SNX13: variants seen among roughly 807,000 people sequenced by gnomAD.
The protein encoded by SNX13 is sorting nexin-13.
Under a neutral mutation model 133.6 loss-of-function variants are expected in SNX13, and 45 were observed. The ratio of observed to expected loss-of-function variants is 0.34; its 90% CI spans 0.27 to 0.43. The LOEUF is 0.43. SNX13 is among the 20% of genes least tolerant of loss of function. The pLI is 1.00. For missense variants in SNX13, 1,032 were observed against 1,145.1 expected, an observed-to-expected ratio of 0.90 and a Z score of 1.43; for synonymous variants, 414 against 373.9, an observed-to-expected ratio of 1.11 and a Z score of -1.24.
intron 12 of SNX13, among the ~76,000 whole-genome samples, chr7:17,841,512 CAG>C (rs34850653): frequency 0.021 from 3,218 of 149,952 alleles, 127 homozygotes; most frequent in African/African-American, 0.074. Context: ...AAGTGATTTC[CAG>C]AGTTACTACA....
chr7:17,823,928 A>G (rs1370887950), intron 17 of SNX13, among the ~76,000 whole-genome samples: 3 of 152,148 alleles, frequency 2.0e-5, no homozygotes, highest in Non-Finnish European at 4.4e-5. Flanking sequence ...AAGAAAGAAT[A>G]ATCAGGATTT....
At chr7:17,928,076 G>C (rs554046390) in intron 1 of SNX13, among the ~76,000 whole-genome samples, 1 of 152,218 alleles carries the variant, frequency 6.6e-6, no homozygotes, top group East Asian at 1.9e-4. Flanking sequence ...GACTCCAAGG[G>C]GAAATCAAAG....
chr7:17,830,889 C>G (rs1050045381), intron 15 of SNX13: 3 of 984,338 alleles, frequency 3.0e-6, no homozygotes, highest in Non-Finnish European at 3.6e-6. Context: ...AGCAACACTA[C>G]TATTCCTACA....
At chr7:17,828,620 G>T (rs1456656672) in intron 16 of SNX13, among the ~76,000 whole-genome samples, 1 of 151,516 alleles carries the variant, frequency 6.6e-6, no homozygotes, top group Non-Finnish European at 1.5e-5. Context: ...ACTAAAATTT[G>T]TCTACATGGT....
chr7:17,830,303 T>C, intron 15 of SNX13: 6 of 984,292 alleles, frequency 6.1e-6, no homozygotes, highest in Non-Finnish European at 6.0e-6. Context: ...GCATTCGTGT[T>C]CAGGAGAGTA....
intron 24 of SNX13, among the ~76,000 whole-genome samples, chr7:17,797,997 G>A (rs940540704): frequency 6.6e-6 from 1 of 151,852 alleles, no homozygotes; most frequent in African/African-American, 2.4e-5. Flanking sequence ...ACTGTGCACA[G>A]TGCCAAGAAC....
intron 17 of SNX13, among the ~76,000 whole-genome samples, chr7:17,823,710 C>G (rs918079680): frequency 6.6e-6 from 1 of 152,138 alleles, no homozygotes; most frequent in Non-Finnish European, 1.5e-5. Flanking sequence ...GCAAATTAAA[C>G]AGCACAACAC....
In SNX13 at chr7:17,853,085, A is replaced by C. The variant is rs184207795; in HGVS notation, c.838-2121T>G. Among the ~76,000 whole-genome samples, 4 of 152,340 alleles carry C rather than the reference A, an allele frequency of 2.6e-5. No homozygotes were observed. In the East Asian group the frequency reaches 7.7e-4, roughly 29 times the overall value. The stretch of plus-strand genomic sequence containing the variant: ...GAGTGGGCCAGGTAACATAACAGGA[A>C]AAATTTAATGATTGCAAGGCAAGAA... On this transcript the variant is annotated intron_variant, in intron 9 of 25. Coordinates refer to ENST00000428135, the MANE Select transcript of SNX13 (RefSeq NM_015132.5).
intron 1 of SNX13, among the ~76,000 whole-genome samples, chr7:17,925,416 T>C (rs1025023625): frequency 1.3e-5 from 2 of 152,162 alleles, no homozygotes; most frequent in East Asian, 1.9e-4. Context: ...GCATGGTATA[T>C]GAATTATATC....
In SNX13 at chr7:17,927,088, G is replaced by C. The variant is rs935188513; in HGVS notation, c.12+13196C>G. 4.0e-5 allele frequency among the ~76,000 whole-genome samples: 6 copies of C among 151,830 alleles called. No homozygotes were observed. In the East Asian group the frequency reaches 7.7e-4, roughly 20 times the overall value. On this transcript the variant is annotated intron_variant, in intron 1 of 25. Coordinates refer to ENST00000428135, the MANE Select transcript of SNX13 (RefSeq NM_015132.5). ...GATAAAAACTTATGTCAAATTTTTT[G>C]TTTTAATAAGCTAAACAAGATTAAA...
intron 1 of SNX13, among the ~76,000 whole-genome samples, chr7:17,901,952 C>G (rs1259013988): frequency 6.6e-6 from 1 of 152,100 alleles, no homozygotes; most frequent in East Asian, 1.9e-4. Flanking sequence ...ATGTTTTATT[C>G]TCTCTTATGT....
At chr7:17,832,022 T>C (rs1211049323) in intron 15 of SNX13, 1 of 983,898 alleles carries the variant, frequency 1.0e-6, no homozygotes, top group Non-Finnish European at 1.2e-6. Flanking sequence ...ACTCATCAAT[T>C]AGGAAACAAA....
At chr7:17,935,738 T>C (rs929458362) in intron 1 of SNX13, among the ~76,000 whole-genome samples, 22 of 152,224 alleles carry the variant, frequency 1.4e-4, no homozygotes, top group Admixed American at 3.3e-4. Flanking sequence ...TAGATACTGA[T>C]GTCCTTCCAC....
At chr7:17,815,265 G>A (rs1395860391) in intron 19 of SNX13, among the ~76,000 whole-genome samples, 4 of 152,058 alleles carry the variant, frequency 2.6e-5, no homozygotes, top group East Asian at 1.9e-4. Flanking sequence ...AAACTGTCAC[G>A]TTATTTGCAT....
At chr7:17,925,988 G>A (rs939458346) in intron 1 of SNX13, among the ~76,000 whole-genome samples, 3 of 152,110 alleles carry the variant, frequency 2.0e-5, no homozygotes, top group Non-Finnish European at 4.4e-5. Flanking sequence ...ATAATGTTGT[G>A]GTTATAGGTA....
At chr7:17,879,450 T>C (rs965823845) in intron 5 of SNX13, 2 of 152,246 alleles carry the variant, frequency 1.3e-5, no homozygotes, top group African/African-American at 2.4e-5. Context: ...TCAATGCATA[T>C]TGATTTATTG....
chr7:17,915,444 T>C (rs1799444660), intron 1 of SNX13, among the ~76,000 whole-genome samples: 1 of 152,182 alleles, frequency 6.6e-6, no homozygotes, highest in South Asian at 2.1e-4. Flanking sequence ...ATTCCTATAT[T>C]GTAAGCCCGT....
intron 11 of SNX13, among the ~76,000 whole-genome samples, chr7:17,846,322 G>C (rs937947333): frequency 6.6e-6 from 1 of 151,832 alleles, no homozygotes; most frequent in Non-Finnish European, 1.5e-5. Context: ...TTACATTACA[G>C]ATATTACTTC....
At chr7:17,909,186 T>TA (rs562115486) in intron 1 of SNX13, among the ~76,000 whole-genome samples, 109 of 152,154 alleles carry the variant, frequency 7.2e-4, no homozygotes, top group African/African-American at 2.6e-3. Flanking sequence ...TGCCGATTAT[T>TA]AAAATGTCAA....
Sources: gnomAD v4.1 joint callset for allele counts (sites outside exome capture counted in the v4.1 genomes callset) on GRCh38, gnomAD v4.1.1 for gene constraint, MANE v1.5 for transcripts, NCBI Gene and HGNC (gene_info 2026-07-23, HGNC 2026-07-21) for gene names.